The following ABL2 variants were observed in gnomAD, a reference collection of about 807,000 sequenced individuals.
ABL2 encodes the protein ABL proto-oncogene 2, non-receptor tyrosine kinase, also known as tyrosine-protein kinase ABL2.
ABL2 carries 49 observed loss-of-function variants against 107.7 expected under a neutral mutation model. The ratio of observed to expected loss-of-function variants is 0.45; its 90% CI spans 0.36 to 0.58. The LOEUF (loss-of-function observed/expected upper bound fraction) is 0.58. Among genes scored for constraint, ABL2 ranks in the 20% least tolerant of loss-of-function variants. ABL2 has a pLI of 0.00. For missense variants in ABL2, 1,245 were observed against 1,457.0 expected (o/e 0.85, Z 2.37); for synonymous variants, 549 against 548.6 (o/e 1.00, Z -0.01).
At chr1:179,174,907 A>AG (rs1659949952) in intron 1 of ABL2, among the ~76,000 whole-genome samples, 1 of 114,900 alleles carries the variant, frequency 8.7e-6, no homozygotes, top group Non-Finnish European at 1.9e-5. Flanking sequence ...AAAAAAAAAA[A>AG]ATAAAATAAA....
intron 8 of ABL2, among the ~76,000 whole-genome samples, chr1:179,116,040 A>G (rs1462802300): frequency 6.6e-6 from 1 of 152,180 alleles, no homozygotes; most frequent in African/African-American, 2.4e-5. Flanking sequence ...TCGAAAAAAA[A>G]AAAAGCTCTG....
At chr1:179,229,175 C>G in intron 1 of ABL2, 66 bp downstream of exon 1, 1 of 321,446 alleles carries the variant, frequency 3.1e-6, no homozygotes, top group Non-Finnish European at 6.3e-6. Context: ...CGTCCGCCAC[C>G]CACCCCGCCC....
At position 179,126,329 on chromosome 1, in the gene ABL2, C is replaced by T. The variant is rs375955122; in HGVS notation, c.687+48G>A. On this transcript the variant is annotated intron_variant, in intron 4 of 11. Transcript: ENST00000502732. This position sits in a 1 kb window ranked among gnomAD's most constrained non-coding sequence, Gnocchi z 4.4. ...ACTTCAATCACGTTGAATATTATTTCACAGAGTAGCCAGTCCATGCTTAAA... is the reference window on the plus strand; with the variant it reads ...ACTTCAATCACGTTGAATATTATTTTACAGAGTAGCCAGTCCATGCTTAAA... The T allele has an allele frequency of 1.9e-6, 3 of 1,552,434 alleles. No homozygotes were observed. Among genetic ancestry groups the T allele is most frequent in the Non-Finnish European group, 2.6e-6 (3 of 1,134,068 alleles).
chr1:179,135,180 C>T (rs1391736298), intron 1 of ABL2, among the ~76,000 whole-genome samples: 1 of 152,158 alleles, frequency 6.6e-6, no homozygotes, highest in East Asian at 1.9e-4. Context: ...AGCATCTCCG[C>T]CTGGCCGCCC....
At chr1:179,198,841 CCTT>C (rs1400634603) in intron 1 of ABL2, among the ~76,000 whole-genome samples, 6 of 147,270 alleles carry the variant, frequency 4.1e-5, no homozygotes, top group Admixed American at 6.8e-5. Flanking sequence ...TCCAAATTAT[CCTT>C]TTTTTTTTTT....
chr1:179,177,446 T>C (rs1328956234), intron 1 of ABL2, among the ~76,000 whole-genome samples: 1 of 152,238 alleles, frequency 6.6e-6, no homozygotes, highest in African/African-American at 2.4e-5. Context: ...TGGGAGCATC[T>C]TGCCCTAGGA....
At position 179,109,230 on chromosome 1, in the gene ABL2, G is replaced by C; in HGVS notation, c.2037C>G (p.Pro679=). Reference sequence around the variant, plus strand: ...TACCCGTGAGTTCGTATTTCTTATGGGGCTGATTCTCCATTTCTCGGAAGG... The same window carrying C: ...TACCCGTGAGTTCGTATTTCTTATGCGGCTGATTCTCCATTTCTCGGAAGG... ...SSSFREMENQ[P]HKKYELTGNF... is the part of the protein sequence containing the mutation. Residue 679 remains proline (P), a synonymous_variant, in exon 12 of 12, where the codon CCC becomes CCG. Transcript: ENST00000502732. 1 of 1,614,104 alleles carries C rather than the reference G, an allele frequency of 6.2e-7. No individual in the cohort carries two copies.
rs779134320 is a variant in ABL2, at chr1:179,110,435, T to C, written c.1672A>G (p.Arg558Gly). Residue 558 changes from arginine (R) to glycine (G), a missense_variant, in exon 11 of 12, where the codon AGA becomes GGA. By Grantham distance (125) the Arg-to-Gly change is moderately radical. This residue lies in a region of ABL2 where 761 missense variants were observed against 766.4 expected (regional missense o/e 0.99). Coordinates refer to ENST00000502732, the MANE Select transcript of ABL2 (RefSeq NM_007314.4). The stretch of plus-strand genomic sequence containing the variant: ...ACAACAGATGACGAGGAGGCGGCTC[T>C]CCCAAGCTCCTCAGCTACCTCTGTG... ...ISEEVAEELGRAASSSSVVPY... is the reference protein window; with the variant it reads ...ISEEVAEELGGAASSSSVVPY... 6.2e-7 allele frequency: 1 copy of C among 1,613,258 alleles called. No individual in the cohort carries two copies. The highest frequency in any genetic ancestry group is 8.5e-7 in the Non-Finnish European group (1 of 1,179,822).
At chr1:179,144,685 TTA>T (rs1657870571) in intron 1 of ABL2, among the ~76,000 whole-genome samples, 1 of 75,682 alleles carries the variant, frequency 1.3e-5, no homozygotes, top group Non-Finnish European at 3.7e-5. Flanking sequence ...ATGTAGGTAA[TTA>T]TTAACTATTT....
At chr1:179,184,469 A>C in intron 1 of ABL2, 1 of 907,406 alleles carries the variant, frequency 1.1e-6, no homozygotes, top group Non-Finnish European at 1.7e-6. Flanking sequence ...ATTCTGATGC[A>C]GGTGCTCATA....
At chr1:179,155,775 TAG>T (rs1462721785) in intron 1 of ABL2, among the ~76,000 whole-genome samples, 1 of 151,792 alleles carries the variant, frequency 6.6e-6, no homozygotes, top group Non-Finnish European at 1.5e-5. Context: ...TGCCAGAACT[TAG>T]AATCCATCCA....
intron 1 of ABL2, among the ~76,000 whole-genome samples, chr1:179,178,985 T>G (rs1393473546): frequency 6.6e-6 from 1 of 152,170 alleles, no homozygotes; most frequent in Non-Finnish European, 1.5e-5. Flanking sequence ...TCATTAAATC[T>G]GAGGAATACC....
At chr1:179,144,262 CCTCCTGG>C (rs1200629161) in intron 1 of ABL2, among the ~76,000 whole-genome samples, 2 of 151,968 alleles carry the variant, frequency 1.3e-5, no homozygotes, top group African/African-American at 4.8e-5. Flanking sequence ...TCGAGACCAT[CCTCCTGG>C]CTAACACAGT....
chr1:179,113,291 AAGG>A (rs1246178966), intron 9 of ABL2, among the ~76,000 whole-genome samples: 2 of 152,244 alleles, frequency 1.3e-5, no homozygotes, highest in African/African-American at 4.8e-5. Flanking sequence ...GAGGAGAAAC[AAGG>A]AGATGTTTTA....
intron 1 of ABL2, among the ~76,000 whole-genome samples, chr1:179,140,436 C>T (rs990623923): frequency 3.9e-5 from 6 of 152,144 alleles, no homozygotes; most frequent in African/African-American, 1.4e-4. Flanking sequence ...TTTATTTTAT[C>T]TCCATAGCTC....
intron 1 of ABL2, among the ~76,000 whole-genome samples, chr1:179,178,401 C>CAAAAAAAAAAGAAAAA (rs1660170869): frequency 1.5e-5 from 1 of 68,642 alleles, no homozygotes; most frequent in Non-Finnish European, 2.8e-5. Flanking sequence ...GACTCTGCCT[C>CAAAAAAAAAAGAAAAA]AAAAAAAAAA....
chr1:179,117,280 T>C (rs1654743291), intron 8 of ABL2, 52 bp downstream of exon 8: 1 of 1,549,476 alleles, frequency 6.5e-7, no homozygotes, highest in Non-Finnish European at 8.9e-7. Context: ...AATCAAGGCA[T>C]TTATAAAAAA....
At chr1:179,121,521 G>A in intron 5 of ABL2, 74 bp downstream of exon 5, 5 of 1,543,826 alleles carry the variant, frequency 3.2e-6, no homozygotes, top group South Asian at 1.2e-5. Context: ...GTTAAAGAAG[G>A]GCATGCTGAT....
At chr1:179,182,076 C>T (rs2636295) in intron 1 of ABL2, among the ~76,000 whole-genome samples, 151,379 of 151,670 alleles carry the variant, frequency 1, 75,544 homozygotes, top group Middle Eastern at 1. Context: ...GAATTACAGG[C>T]GTGAGCCACC....
Sources: allele counts gnomAD v4.1 joint callset (sites outside exome capture counted in the v4.1 genomes callset), GRCh38; gene constraint gnomAD v4.1.1; regional missense constraint gnomAD v4.1.1; non-coding constraint Gnocchi (gnomAD v3.1); transcripts MANE v1.5; gene names NCBI Gene and HGNC (gene_info 2026-07-23, HGNC 2026-07-21).